Variants in USP44 observed in about 807,000 individuals in gnomAD.
USP44 encodes ubiquitin specific peptidase 44, also known as ubiquitin carboxyl-terminal hydrolase 44.
A neutral mutation model predicts 69.0 loss-of-function variants in USP44; 61 were observed. The observed-to-expected ratio is 0.88, with a 90% CI of 0.72 to 1.09. The LOEUF is 1.09. USP44 is among the 50% of genes least tolerant of loss of function. The probability of loss-of-function intolerance (pLI) is 0.00; values close to 1 mark genes in which losing one functional copy is unlikely to be tolerated. For synonymous variants in USP44, 297 were observed against 295.4 expected, an observed-to-expected ratio of 1.01 and a Z score of -0.06; for missense variants, 753 against 849.9, an observed-to-expected ratio of 0.89 and a Z score of 1.42.
intron 1 of USP44, among the ~76,000 whole-genome samples, chr12:95,541,523 C>A (rs994817187): frequency 1.3e-5 from 2 of 151,918 alleles, no homozygotes; most frequent in South Asian, 4.2e-4. Context: ...GAGGCTGCAG[C>A]GAGCCATGAT....
Position 95,517,099 on chromosome 12 carries a change from T to G in USP44, c.*1055A>C, listed in dbSNP as rs555227679. ...AAGTTTAGATAGATAGCTTTTAGTT[T>G]TTTTTTTTTTTTTTAATGCTCAGGG... On this transcript the variant is annotated 3_prime_UTR_variant, in exon 6 of 6. Coordinates refer to ENST00000258499, the MANE Select transcript of USP44 (RefSeq NM_032147.5). 9 of 150,160 alleles carry G rather than the reference T, an allele frequency of 6.0e-5. No homozygotes were observed. Among genetic ancestry groups the G allele is most frequent in the South Asian group, 2.1e-4 (1 of 4,776 alleles). The allele number at this position is 150,160 out of a possible 1,614,324, so 9.3% of individuals were successfully genotyped here.
At chr12:95,547,950 C>G (rs1371914619) in intron 1 of USP44, 1 of 152,066 alleles carries the variant, frequency 6.6e-6, no homozygotes. Context: ...AGTTCACTTT[C>G]TTTTTTCATG....
intron 1 of USP44, among the ~76,000 whole-genome samples, chr12:95,537,616 C>T (rs567203266): frequency 6.6e-6 from 1 of 152,002 alleles, no homozygotes; most frequent in South Asian, 2.1e-4. Flanking sequence ...CACGCCAGGC[C>T]GAAAATAATT....
At chr12:95,546,017 T>C (rs566661101) in intron 1 of USP44, among the ~76,000 whole-genome samples, 2 of 152,174 alleles carry the variant, frequency 1.3e-5, no homozygotes, top group Non-Finnish European at 2.9e-5. Flanking sequence ...TTGAATCTAG[T>C]TGAACACGTT....
chr12:95,522,515 C>A (rs139693495), intron 4 of USP44, among the ~76,000 whole-genome samples: 1 of 152,158 alleles, frequency 6.6e-6, no homozygotes, highest in African/African-American at 2.4e-5. Flanking sequence ...TGGTGGCTCA[C>A]GCCTGTAATC....
At position 95,528,793 on chromosome 12, in the gene USP44, A is replaced by ACC; in HGVS notation, c.1624+13_1624+14insGG. The ACC allele has an allele frequency of 6.2e-7, 1 of 1,605,206 alleles. No homozygotes were observed. The highest frequency in any genetic ancestry group is 8.5e-7 in the Non-Finnish European group (1 of 1,176,256). On this transcript the variant is annotated intron_variant, in intron 3 of 5. Transcript: ENST00000258499. ...TTCCTAGGAAAGCACCAAGAACACAACGTCTTTACTCACAGTTACACTGGT... is the reference window on the plus strand; with the variant it reads ...TTCCTAGGAAAGCACCAAGAACACAACCCGTCTTTACTCACAGTTACACTGGT...
chr12:95,525,006 A>C (rs1463478797), intron 3 of USP44, among the ~76,000 whole-genome samples: 2 of 152,274 alleles, frequency 1.3e-5, no homozygotes, highest in African/African-American at 4.8e-5. Flanking sequence ...CAGATCTGTA[A>C]TCAAGTACAT....
intron 1 of USP44, among the ~76,000 whole-genome samples, chr12:95,547,643 AG>A (rs1374889879): frequency 6.6e-6 from 1 of 152,232 alleles, no homozygotes; most frequent in Non-Finnish European, 1.5e-5. Context: ...ATGGAATTCC[AG>A]GCCCAAAAGT....
At chr12:95,522,762 G>C (rs1057427971) in intron 4 of USP44, among the ~76,000 whole-genome samples, 1 of 130,256 alleles carries the variant, frequency 7.7e-6, no homozygotes, top group Non-Finnish European at 1.5e-5. Flanking sequence ...TAGGCGACAA[G>C]AGCGAAATTC....
intron 2 of USP44, among the ~76,000 whole-genome samples, chr12:95,532,154 T>A (rs2140286446): frequency 6.7e-6 from 1 of 148,928 alleles, no homozygotes; most frequent in East Asian, 2.0e-4. Context: ...CACCATTTTC[T>A]TTCTTTCTTT....
chr12:95,543,689 G>A lies in USP44; in HGVS notation c.-71+7583C>T, dbSNP rs925833115. The stretch of plus-strand genomic sequence containing the variant: ...ACTTCAAAAACTAACATACCAGGCC[G>A]GGCGCGGTGGCTCACGCCTGTAATC... On this transcript the variant is annotated intron_variant, in intron 1 of 5. Transcript: ENST00000258499. 1.1e-4 allele frequency among the ~76,000 whole-genome samples: 17 copies of A among 151,628 alleles called. 1 individual carries two copies. The highest frequency in any genetic ancestry group is 7.4e-5 in the Non-Finnish European group (5 of 67,920).
At chr12:95,541,598 A>G (rs1010028939) in intron 1 of USP44, among the ~76,000 whole-genome samples, 4 of 152,126 alleles carry the variant, frequency 2.6e-5, no homozygotes, top group African/African-American at 9.7e-5. Flanking sequence ...AAAACAAAAA[A>G]AAGTATGCTG....
Position 95,534,130 on chromosome 12 carries a change from T to G in USP44, c.127A>C (p.Ser43Arg). 2 of 1,614,190 alleles carry G rather than the reference T, an allele frequency of 1.2e-6. No homozygotes were observed. Among genetic ancestry groups the G allele is most frequent in the Non-Finnish European group, 1.7e-6 (2 of 1,180,032 alleles). Residue 43 changes from serine (S) to arginine (R), a missense_variant, in exon 2 of 6, where the codon AGC (serine) becomes CGC (arginine). By Grantham distance (110) the Ser-to-Arg change is moderately radical. Coordinates refer to ENST00000258499, the MANE Select transcript of USP44 (RefSeq NM_032147.5). ...NTTESIWACLSCSHVACGRYI... is the reference protein window; with the variant it reads ...NTTESIWACLRCSHVACGRYI... ...CTTCCACAGGCAACATGGGAGCAGCTAAGGCAAGCCCAAATGGACTCGGTC... is the reference window on the plus strand; with the variant it reads ...CTTCCACAGGCAACATGGGAGCAGCGAAGGCAAGCCCAAATGGACTCGGTC...
rs1167280031 is a variant in USP44 at position 95,533,839 on chromosome 12, G to A, written c.418C>T (p.Leu140Phe). 1.2e-6 allele frequency: 2 copies of A among 1,614,114 alleles called. No homozygotes were observed. Among genetic ancestry groups the A allele is most frequent in the Non-Finnish European group, 8.5e-7 (1 of 1,180,028 alleles). ...GTATACAGTTGATCTTCACTTTGAA[G>A]CAGAGATTGGGCACCGTCATGTAAG... Reference protein sequence around the residue: ...YFLHDGAQSLLQSEDQLYTAL... With the variant: ...YFLHDGAQSLFQSEDQLYTAL... Residue 140 changes from leucine (L) to phenylalanine (F), a missense_variant, in exon 2 of 6, where the codon CTT (leucine) becomes TTT (phenylalanine). Physicochemically the swap from Leu to Phe is conservative, Grantham distance 22 (BLOSUM62 0). Coordinates refer to ENST00000258499, the MANE Select transcript of USP44 (RefSeq NM_032147.5).
intron 1 of USP44, among the ~76,000 whole-genome samples, chr12:95,537,039 G>A (rs1183913481): frequency 2.6e-5 from 4 of 152,166 alleles, no homozygotes; most frequent in African/African-American, 9.7e-5. Context: ...GGTTACAGAG[G>A]GATCTGAATT....
Position 95,533,087 on chromosome 12 carries a change from T to A in USP44, c.1170A>T (p.Gln390His). 1 of 1,614,232 alleles carries A rather than the reference T, an allele frequency of 6.2e-7. No homozygotes were observed. Among genetic ancestry groups the A allele is most frequent in the African/African-American group, 1.3e-5 (1 of 75,054 alleles). Residue 390 changes from glutamine (Q) to histidine (H), a missense_variant, in exon 2 of 6, where the codon CAA becomes CAT. Coordinates refer to ENST00000258499, the MANE Select transcript of USP44 (RefSeq NM_032147.5). ...ACGCCCACTTTCCAGACCACATGAC[T>A]TGGAACAAAGTATGCAATTCATGAC... is the stretch of plus-strand genomic sequence containing the variant. ...SLCHELHTLF[Q>H]VMWSGKWALV...
chr12:95,522,976 C>A (rs574125659), intron 4 of USP44, among the ~76,000 whole-genome samples: 5 of 152,156 alleles, frequency 3.3e-5, no homozygotes, highest in African/African-American at 1.2e-4. Context: ...TGTAATCAGT[C>A]ATGCCTATGT....
At chr12:95,544,168 C>T (rs1331448873) in intron 1 of USP44, among the ~76,000 whole-genome samples, 1 of 148,470 alleles carries the variant, frequency 6.7e-6, no homozygotes, top group Non-Finnish European at 1.5e-5. Flanking sequence ...CATTCTCCTG[C>T]CTCAGCCTCC....
chr12:95,538,808 T>C (rs1036327585), intron 1 of USP44, among the ~76,000 whole-genome samples: 1 of 152,214 alleles, frequency 6.6e-6, no homozygotes, highest in African/African-American at 2.4e-5. Flanking sequence ...CACAAAGATC[T>C]AAGAGCTTGG....
Sources: gnomAD v4.1 joint callset for allele counts (sites outside exome capture counted in the v4.1 genomes callset) on GRCh38, gnomAD v4.1.1 for gene constraint, MANE v1.5 for transcripts, NCBI Gene and HGNC (gene_info 2026-07-23, HGNC 2026-07-21) for gene names.